CCDC138: variants seen among roughly 807,000 people sequenced by gnomAD.
CCDC138 encodes coiled-coil domain containing 138.
A neutral mutation model predicts 82.3 loss-of-function variants in CCDC138; 66 were observed. That is an observed-to-expected ratio of 0.80 (90% CI 0.66 to 0.98). CCDC138 has a LOEUF of 0.98. Among genes scored for constraint, CCDC138 ranks in the 50% least tolerant of loss-of-function variants. The pLI is 0.00. For missense variants in CCDC138, 816 were observed against 758.9 expected (o/e 1.08, Z -0.88); for synonymous variants, 297 against 265.4 (o/e 1.12, Z -1.16).
At position 108,786,792 on chromosome 2, in the gene CCDC138, C is replaced by G. The variant is rs370372367; in HGVS notation, c.-31C>G. The stretch of plus-strand genomic sequence containing the variant: ...CGCCGCGGGTTTGATGAACGCGGTT[C>G]CCGGGGAGACTGGTACGGTTGCTGT... On this transcript the variant is annotated 5_prime_UTR_variant, in exon 1 of 15. Transcript: ENST00000295124. 7.0e-6 allele frequency: 11 copies of G among 1,560,874 alleles called. No individual in the cohort carries two copies. Among genetic ancestry groups the G allele is most frequent in the East Asian group, 2.3e-5 (1 of 42,986 alleles).
chr2:108,805,788 T>A (rs1246200682), intron 7 of CCDC138, among the ~76,000 whole-genome samples: 1 of 152,150 alleles, frequency 6.6e-6, no homozygotes, highest in African/African-American at 2.4e-5. Context: ...ATAAATAGTT[T>A]TGTGAGTTAT....
chr2:108,787,095 G>A (rs1223989422), intron 1 of CCDC138, among the ~76,000 whole-genome samples, 180 bp downstream of exon 1: 2 of 152,070 alleles, frequency 1.3e-5, no homozygotes, highest in African/African-American at 2.4e-5. Flanking sequence ...TGCGCTGCGG[G>A]GGTGCGGGGG....
At chr2:108,832,227 A>G (rs769642218) in intron 10 of CCDC138, among the ~76,000 whole-genome samples, 1 of 150,020 alleles carries the variant, frequency 6.7e-6, no homozygotes, top group Non-Finnish European at 1.5e-5. Flanking sequence ...GGGTTTTACC[A>G]TGTTGGCCTG....
In CCDC138 at chr2:108,788,051, A is replaced by G; in HGVS notation, c.113A>G (p.Tyr38Cys). Residue 38 changes from tyrosine to cysteine, a missense_variant, in exon 2 of 15, where the codon TAT (tyrosine) becomes TGT (cysteine). Transcript: ENST00000295124. ...CPDEYDFSNF[Y>C]QSKYKRRTLT... ...TTTTAGTATGATTTTTCAAATTTTT[A>G]TCAGTCTAAGTATAAGAGAAGAACT... The G allele has an allele frequency of 6.4e-7, 1 of 1,574,268 alleles. No homozygotes were observed.
intron 13 of CCDC138, among the ~76,000 whole-genome samples, chr2:108,860,478 A>G (rs1693375017): frequency 6.6e-6 from 1 of 151,344 alleles, no homozygotes; most frequent in African/African-American, 2.4e-5. Context: ...TTTGTCATAA[A>G]TGACTCTTAT....
intron 13 of CCDC138, among the ~76,000 whole-genome samples, chr2:108,857,364 C>A (rs551822314): frequency 2.0e-5 from 3 of 152,104 alleles, no homozygotes; most frequent in African/African-American, 7.2e-5. Context: ...CCACTGCGCC[C>A]GGACTATTGC....
chr2:108,852,460 A>G (rs1402985905), intron 12 of CCDC138, among the ~76,000 whole-genome samples: 1 of 152,252 alleles, frequency 6.6e-6, no homozygotes, highest in Non-Finnish European at 1.5e-5. Flanking sequence ...TGTTGTGTTC[A>G]TTGCAGCACT....
intron 14 of CCDC138, 68 bp downstream of exon 14, chr2:108,873,657 T>A: frequency 8.8e-7 from 1 of 1,136,954 alleles, no homozygotes; most frequent in East Asian, 2.6e-5. Context: ...AAACCAGGGG[T>A]TTTAATCTTT....
At chr2:108,822,081 A>C (rs1480290280) in intron 10 of CCDC138, among the ~76,000 whole-genome samples, 2 of 152,196 alleles carry the variant, frequency 1.3e-5, no homozygotes, top group Non-Finnish European at 2.9e-5. Flanking sequence ...TTAGATCTAA[A>C]GGCACGTATC....
intron 13 of CCDC138, among the ~76,000 whole-genome samples, chr2:108,872,194 A>G (rs1695364104): frequency 6.6e-6 from 1 of 152,132 alleles, no homozygotes; most frequent in African/African-American, 2.4e-5. Context: ...GAATTCAGAG[A>G]AGAGTCTGAT....
intron 5 of CCDC138, 130 bp downstream of exon 5, chr2:108,794,851 G>C: frequency 2.9e-6 from 2 of 693,540 alleles, no homozygotes; most frequent in Non-Finnish European, 4.6e-6. Flanking sequence ...AGGACGGAAG[G>C]GGACAAACTC....
chr2:108,794,548 C>A lies in CCDC138; in HGVS notation c.403C>A (p.Pro135Thr). 1 of 1,592,264 alleles carries A rather than the reference C, an allele frequency of 6.3e-7. No homozygotes were observed. Among genetic ancestry groups the A allele is most frequent in the Non-Finnish European group, 8.6e-7 (1 of 1,169,370 alleles). Residue 135 changes from proline to threonine, a missense_variant, in exon 5 of 15, where the codon CCA becomes ACA. Pro to Thr is a conservative substitution (Grantham distance 38). Transcript: ENST00000295124. The stretch of plus-strand genomic sequence containing the variant: ...TGTTATTTTCTTTGCAGTTGCCTTG[C>A]CAACTAATACGACCTCATCGAGACC... Reference protein sequence around the residue: ...SFKEIEKVALPTNTTSSRPRT... With the variant: ...SFKEIEKVALTTNTTSSRPRT...
chr2:108,826,396 T>C (rs955120386), intron 10 of CCDC138, among the ~76,000 whole-genome samples: 3 of 152,200 alleles, frequency 2.0e-5, no homozygotes, highest in African/African-American at 7.2e-5. Context: ...CCTCTTAACA[T>C]GTTTAGGCCT....
At position 108,794,568 on chromosome 2, in the gene CCDC138, G is replaced by C; in HGVS notation, c.423G>C (p.Ser141=). ...CCTTGCCAACTAATACGACCTCATCGAGACCTCGGACTGAGTGTTGTAGTG... is the reference window on the plus strand; with the variant it reads ...CCTTGCCAACTAATACGACCTCATCCAGACCTCGGACTGAGTGTTGTAGTG... ...KVALPTNTTS[S]RPRTECCSDA... is the part of the protein sequence containing the mutation. The change falls in exon 5 of 15, where the codon TCG becomes TCC. Residue 141 remains serine (S), a synonymous_variant. Coordinates refer to ENST00000295124, the MANE Select transcript of CCDC138 (RefSeq NM_144978.3). 1 of 1,611,452 alleles carries C rather than the reference G, an allele frequency of 6.2e-7. No homozygotes were observed.
chr2:108,884,706 T>C (rs914088125), intron 2 of CCDC138: 2 of 152,194 alleles, frequency 1.3e-5, no homozygotes, highest in African/African-American at 4.8e-5. Flanking sequence ...TTCGAGATTG[T>C]GTCCTCCCGG....
exon 3 of CCDC138, chr2:108,885,107 C>CT (rs1378640947): frequency 1.6e-4 from 24 of 152,224 alleles, no homozygotes; most frequent in African/African-American, 5.8e-4. Flanking sequence ...TCCAGGTACT[C>CT]TGTAAGGGAG....
chr2:108,830,180 T>G (rs770163412), intron 10 of CCDC138, among the ~76,000 whole-genome samples: 5 of 152,194 alleles, frequency 3.3e-5, no homozygotes, highest in Admixed American at 1.3e-4. Context: ...GAGATGATTC[T>G]GCTTCCGTGC....
At chr2:108,823,984 A>T (rs1286764371) in intron 10 of CCDC138, among the ~76,000 whole-genome samples, 1 of 151,008 alleles carries the variant, frequency 6.6e-6, no homozygotes, top group Non-Finnish European at 1.5e-5. Flanking sequence ...CAAAAGAAAA[A>T]AAAGGGAGGG....
chr2:108,807,165 A>G (rs906932326), intron 7 of CCDC138, among the ~76,000 whole-genome samples: 1 of 152,222 alleles, frequency 6.6e-6, no homozygotes, highest in Non-Finnish European at 1.5e-5. Context: ...CTTGCGAGTG[A>G]TCCAGATATT....
Sources: gnomAD v4.1 joint callset for allele counts (sites outside exome capture counted in the v4.1 genomes callset) on GRCh38, gnomAD v4.1.1 for gene constraint, MANE v1.5 for transcripts, NCBI Gene and HGNC (gene_info 2026-07-23, HGNC 2026-07-21) for gene names.